The following TOPBP1 variants were observed in gnomAD, a reference collection of about 807,000 sequenced individuals.
TOPBP1 encodes the protein DNA topoisomerase II binding protein 1.
In TOPBP1, 28 loss-of-function variants were observed where a neutral mutation model predicts 167.7. The ratio of observed to expected loss-of-function variants is 0.17; its 90% CI spans 0.12 to 0.23. The LOEUF (loss-of-function observed/expected upper bound fraction) is 0.23, where lower values mean the gene tolerates loss of function less well. TOPBP1 is among the 10% of genes least tolerant of loss of function. The pLI is 1.00. For missense variants in TOPBP1, 1,554 were observed against 1,809.6 expected (o/e 0.86, Z 2.56); for synonymous variants, 598 against 611.4 (o/e 0.98, Z 0.32).
At chr3:133,609,024 T>C in intron 25 of TOPBP1, 62 bp from the exon 26 acceptor site, 1 of 1,275,392 alleles carries the variant, frequency 7.8e-7, no homozygotes, top group East Asian at 2.3e-5. Flanking sequence ...ATACAGATAA[T>C]GCATGATTTT....
chr3:133,643,625 A>G (rs1434152518), intron 11 of TOPBP1, among the ~76,000 whole-genome samples: 3 of 152,116 alleles, frequency 2.0e-5, no homozygotes, highest in Non-Finnish European at 4.4e-5. Context: ...GAGTTACTGA[A>G]TGTTGCTTTA....
At chr3:133,650,028 TATAA>T (rs1389017881) in intron 8 of TOPBP1, 85 bp from the exon 9 acceptor site, 36 of 1,137,146 alleles carry the variant, frequency 3.2e-5, no homozygotes, top group Admixed American at 3.5e-5. Context: ...ATCCACTGTG[TATAA>T]ATAAGACAAC....
At chr3:133,641,836 C>CA (rs1375283923) in intron 12 of TOPBP1, among the ~76,000 whole-genome samples, 2 of 151,990 alleles carry the variant, frequency 1.3e-5, no homozygotes, top group African/African-American at 2.4e-5. Context: ...AAACAGAAAA[C>CA]AGCAAAAAAA....
At position 133,601,365 on chromosome 3, in the gene TOPBP1, C is replaced by T. The variant is rs1559801966; in HGVS notation, c.4454G>A (p.Cys1485Tyr). The T allele has an allele frequency of 6.4e-7, 1 of 1,556,152 alleles. No individual in the cohort carries two copies. The highest frequency in any genetic ancestry group is 8.7e-7 in the Non-Finnish European group (1 of 1,152,264). Residue 1485 changes from cysteine to tyrosine, a missense_variant, in exon 28 of 28, where the codon TGT becomes TAT. This residue lies in a region of TOPBP1 where 351 missense variants were observed against 432.9 expected (regional missense o/e 0.81). Coordinates refer to ENST00000260810, the MANE Select transcript of TOPBP1 (RefSeq NM_007027.4). ...QESPPHVENY[C>Y]LPEAISFIQN... ...AATAAATGAAATAGCTTCTGGTAGACAGTAATTTTCTACATGAGGAGGTGA... is the reference window on the plus strand; with the variant it reads ...AATAAATGAAATAGCTTCTGGTAGATAGTAATTTTCTACATGAGGAGGTGA...
At chr3:133,622,981 G>T in intron 19 of TOPBP1, 110 bp downstream of exon 19, 2 of 600,670 alleles carry the variant, frequency 3.3e-6, no homozygotes, top group Non-Finnish European at 2.8e-6. Flanking sequence ...GATCCTTTCA[G>T]CCCAGGAGTT....
At chr3:133,630,400 G>A (rs1339371595) in intron 14 of TOPBP1, among the ~76,000 whole-genome samples, 2 of 150,928 alleles carry the variant, frequency 1.3e-5, no homozygotes, top group East Asian at 2.0e-4. Context: ...CTGGATTCAA[G>A]GATCCTCTCA....
At chr3:133,606,806 T>C (rs1271553629) in intron 27 of TOPBP1, among the ~76,000 whole-genome samples, 1 of 152,072 alleles carries the variant, frequency 6.6e-6, no homozygotes, top group Non-Finnish European at 1.5e-5. Flanking sequence ...GATATCTATA[T>C]GGAAAAAAAC....
intron 22 of TOPBP1, 55 bp from the exon 23 acceptor site, chr3:133,616,980 C>A: frequency 1.6e-6 from 2 of 1,287,940 alleles, no homozygotes; most frequent in Non-Finnish European, 2.1e-6. Context: ...ATCAGATACA[C>A]AGTTCTTTTA....
At chr3:133,651,051 C>T (rs1330778948) in intron 8 of TOPBP1, among the ~76,000 whole-genome samples, 2 of 150,612 alleles carry the variant, frequency 1.3e-5, no homozygotes, top group Non-Finnish European at 2.9e-5. Context: ...GAGCTGAGAT[C>T]ACGCCACTGC....
At chr3:133,622,486 C>T (rs1002382231) in intron 19 of TOPBP1, among the ~76,000 whole-genome samples, 2 of 151,880 alleles carry the variant, frequency 1.3e-5, no homozygotes, top group African/African-American at 4.8e-5. Flanking sequence ...AGCCACCATG[C>T]CCAGCCTATG....
At chr3:133,643,668 T>C (rs531498096) in intron 11 of TOPBP1, among the ~76,000 whole-genome samples, 2 of 152,132 alleles carry the variant, frequency 1.3e-5, no homozygotes, top group South Asian at 4.1e-4. Context: ...TAGTTTATAC[T>C]ATTTTTCTCA....
chr3:133,639,310 C>T (rs941427712), intron 13 of TOPBP1, among the ~76,000 whole-genome samples: 9 of 152,050 alleles, frequency 5.9e-5, no homozygotes, highest in South Asian at 4.2e-4. Flanking sequence ...TGTCCTTTGT[C>T]GGGACATGGA....
chr3:133,620,442 C>T (rs376119182), intron 19 of TOPBP1, 95 bp from the exon 20 acceptor site: 8 of 1,238,468 alleles, frequency 6.5e-6, no homozygotes, highest in Admixed American at 4.8e-5. Flanking sequence ...TGAACACAAA[C>T]TTATTGACTT....
intron 23 of TOPBP1, among the ~76,000 whole-genome samples, chr3:133,614,531 C>A (rs1183835507): frequency 1.3e-5 from 2 of 151,976 alleles, no homozygotes; most frequent in Non-Finnish European, 2.9e-5. Context: ...TATTGGAAAA[C>A]CTCTAGAGTT....
intron 16 of TOPBP1, among the ~76,000 whole-genome samples, chr3:133,627,472 G>A (rs565486526): frequency 1.8e-4 from 27 of 152,256 alleles, no homozygotes; most frequent in Non-Finnish European, 2.4e-4. Context: ...CAAATATACC[G>A]TAGAAGAGCT....
At chr3:133,635,752 T>G (rs1935650458) in intron 14 of TOPBP1, among the ~76,000 whole-genome samples, 1 of 152,156 alleles carries the variant, frequency 6.6e-6, no homozygotes, top group African/African-American at 2.4e-5. Context: ...GAAGCTGAAA[T>G]ATAACCCAAC....
chr3:133,624,315 A>G (rs1935197474), intron 16 of TOPBP1, 140 bp from the exon 17 acceptor site: 9 of 961,054 alleles, frequency 9.4e-6, no homozygotes, highest in Non-Finnish European at 1.4e-5. Context: ...TTAAAATGAC[A>G]GGCTCAAGCC....
intron 27 of TOPBP1, among the ~76,000 whole-genome samples, chr3:133,605,092 A>G (rs34469683): frequency 0.28 from 42,670 of 151,088 alleles, 6,613 homozygotes; most frequent in Middle Eastern, 0.33. Flanking sequence ...CCAGCTACCC[A>G]GGAGGCTGAG....
intron 25 of TOPBP1, among the ~76,000 whole-genome samples, chr3:133,610,189 GCT>G (rs56320538): frequency 0.14 from 21,266 of 152,130 alleles, 1,825 homozygotes; most frequent in Non-Finnish European, 0.2. Flanking sequence ...TGGGGTTGCA[GCT>G]CTCTGTTTGC....
Sources: allele counts gnomAD v4.1 joint callset (sites outside exome capture counted in the v4.1 genomes callset), GRCh38; gene constraint gnomAD v4.1.1; regional missense constraint gnomAD v4.1.1; transcripts MANE v1.5; gene names NCBI Gene and HGNC (gene_info 2026-07-23, HGNC 2026-07-21).